Variants in IARS1 observed in about 807,000 individuals in gnomAD.
The protein encoded by IARS1 is isoleucyl-tRNA synthetase 1.
IARS1 carries 124 observed loss-of-function variants against 168.2 expected under a neutral mutation model. That is an observed-to-expected ratio of 0.74 (90% confidence interval 0.64 to 0.86). IARS1 has a LOEUF of 0.86. IARS1 is among the 40% of genes least tolerant of loss of function. IARS1 has a pLI of 0.00. For synonymous variants in IARS1, 532 were observed against 529.4 expected, an observed-to-expected ratio of 1.00 and a Z score of -0.07; for missense variants, 1,452 against 1,515.8, an observed-to-expected ratio of 0.96 and a Z score of 0.70.
In IARS1 at chr9:92,237,358, CTAATTAA is replaced by C. The variant is rs1489296575; in HGVS notation, c.3283+3491_3283+3497del. 5.9e-5 allele frequency among the ~76,000 whole-genome samples: 9 copies of C among 152,208 alleles called. No homozygotes were observed. The East Asian group carries it at 1.7e-3, about 29-fold the overall frequency. ...TGTGGAGATTTTCATTATTATATTA[CTAATTAA>C]TAGTTTGATTCTACTGTGGTCAGAG... On this transcript the variant is annotated intron_variant, in intron 30 of 33. Transcript: ENST00000443024.
chr9:92,210,768 T>C lies in IARS1; in HGVS notation c.*39A>G, dbSNP rs761619738. On this transcript the variant is annotated 3_prime_UTR_variant, in exon 34 of 34. Coordinates refer to ENST00000443024, the MANE Select transcript of IARS1 (RefSeq NM_002161.6). Reference sequence around the variant, plus strand: ...ATGTATGTGTAGGGGATAGGTGTAATTAGGGAAGGGCTGACCGAACAACAT... The same window carrying C: ...ATGTATGTGTAGGGGATAGGTGTAACTAGGGAAGGGCTGACCGAACAACAT... The C allele has an allele frequency of 3.3e-6, 4 of 1,229,376 alleles. No homozygotes were observed. Among genetic ancestry groups the C allele is most frequent in the Non-Finnish European group, 4.8e-6 (4 of 829,390 alleles). The allele number at this position is 1,229,376 out of a possible 1,614,324, so 76.2% of individuals were successfully genotyped here.
chr9:92,218,011 T>A (rs1839027784), intron 33 of IARS1, among the ~76,000 whole-genome samples: 2 of 152,162 alleles, frequency 1.3e-5, no homozygotes, highest in East Asian at 3.9e-4. Context: ...TGAACATTGA[T>A]GCAAAAATCC....
At chr9:92,269,803 AT>A in intron 13 of IARS1, 81 bp downstream of exon 13, 2 of 913,756 alleles carry the variant, frequency 2.2e-6, no homozygotes. Context: ...GGTTATTAAA[AT>A]TATAACTTGG....
chr9:92,266,736 C>A (rs183397303), intron 14 of IARS1, among the ~76,000 whole-genome samples: 2 of 152,272 alleles, frequency 1.3e-5, no homozygotes, highest in Admixed American at 6.5e-5. Flanking sequence ...CACCCCACCG[C>A]CCGTTTCTTC....
At chr9:92,212,039 C>A (rs1172267903) in intron 33 of IARS1, among the ~76,000 whole-genome samples, 1 of 152,130 alleles carries the variant, frequency 6.6e-6, no homozygotes, top group African/African-American at 2.4e-5. Context: ...CTAGTCAGAT[C>A]TGAATTTAAA....
At chr9:92,260,599 G>A (rs1831387028) in intron 17 of IARS1, among the ~76,000 whole-genome samples, 1 of 152,146 alleles carries the variant, frequency 6.6e-6, no homozygotes, top group African/African-American at 2.4e-5. Context: ...AGATTGAAGT[G>A]AGCCAAGATC....
chr9:92,285,637 A>G (rs1207231875), intron 6 of IARS1, 85 bp downstream of exon 6: 5 of 786,796 alleles, frequency 6.4e-6, no homozygotes, highest in Non-Finnish European at 1.1e-5. Context: ...CACTGGGTCT[A>G]CTTGGGAATA....
At position 92,250,187 on chromosome 9, in the gene IARS1, C is replaced by A. The variant is rs1341061816; in HGVS notation, c.2532G>T (p.Lys844Asn). ...GTAAAATAGAAGTAAAATTTCAAACCTTTATGGGAATAGTTTTTCGGTCTC... is the reference window on the plus strand; with the variant it reads ...GTAAAATAGAAGTAAAATTTCAAACATTTATGGGAATAGTTTTTCGGTCTC... The part of the protein sequence containing the change: ...VIRDRKTIPI[K>N]YPLKEIVVIH... The change falls in exon 24 of 34, where the codon AAG becomes AAT. Residue 844 changes from lysine (K) to asparagine (N), a missense_variant and splice_region_variant. Coordinates refer to ENST00000443024, the MANE Select transcript of IARS1 (RefSeq NM_002161.6). 26 of 1,591,874 alleles carry A rather than the reference C, an allele frequency of 1.6e-5. No homozygotes were observed. The highest frequency in any genetic ancestry group is 2.1e-5 in the Non-Finnish European group (24 of 1,160,064).
intron 30 of IARS1, among the ~76,000 whole-genome samples, chr9:92,237,519 T>C (rs1310418164): frequency 6.7e-6 from 1 of 149,356 alleles, no homozygotes; most frequent in Non-Finnish European, 1.5e-5. Flanking sequence ...GCTGAGGTGT[T>C]CTAACTGGTC....
Position 92,262,977 on chromosome 9 carries a change from G to A in IARS1, c.1779C>T (p.Val593=), listed in dbSNP as rs745842667. The A allele has an allele frequency of 3.1e-6, 5 of 1,613,066 alleles. No individual in the cohort carries two copies. The highest frequency in any genetic ancestry group is 2.2e-5 in the East Asian group (1 of 44,882). ...CAACAAAGTTGACCTACCTTGCCAGGACAAGCCCATTCACAATTACGTTCT... is the reference window on the plus strand; with the variant it reads ...CAACAAAGTTGACCTACCTTGCCAGAACAAGCCCATTCACAATTACGTTCT... ...PFKNVIVNGL[V]LASDGQKMSK... is the part of the protein sequence containing the mutation. The change falls in exon 17 of 34, where the codon GTC becomes GTT. Residue 593 remains valine, a synonymous_variant. Transcript: ENST00000443024.
intron 30 of IARS1, among the ~76,000 whole-genome samples, chr9:92,231,728 A>G (rs570871963): frequency 4.6e-5 from 7 of 152,038 alleles, no homozygotes; most frequent in African/African-American, 1.7e-4. Context: ...GCACCCAGCC[A>G]TGAGATGTTT....
At chr9:92,273,400 G>A (rs952034287) in intron 10 of IARS1, among the ~76,000 whole-genome samples, 3 of 152,224 alleles carry the variant, frequency 2.0e-5, no homozygotes, top group South Asian at 2.1e-4. Flanking sequence ...CAGAGATGCA[G>A]CTAGAATTAC....
At chr9:92,223,626 T>G in intron 31 of IARS1, 137 bp from the exon 32 acceptor site, 1 of 701,184 alleles carries the variant, frequency 1.4e-6, no homozygotes, top group Non-Finnish European at 2.3e-6. Context: ...CAAGAGACAT[T>G]GCCTTTTCTA....
At chr9:92,279,249 T>C (rs1348620230) in intron 7 of IARS1, among the ~76,000 whole-genome samples, 1 of 152,212 alleles carries the variant, frequency 6.6e-6, no homozygotes, top group Non-Finnish European at 1.5e-5. Context: ...AGGAACTTCA[T>C]TGTAAGTGGG....
At chr9:92,253,819 C>A (rs1211666202) in intron 20 of IARS1, 1 of 492,424 alleles carries the variant, frequency 2.0e-6, no homozygotes, top group South Asian at 1.5e-5. Context: ...TCAACAATGC[C>A]CAACTTCTTT....
intron 19 of IARS1, among the ~76,000 whole-genome samples, chr9:92,257,018 G>C (rs1048879191): frequency 1.3e-5 from 2 of 152,192 alleles, no homozygotes; most frequent in African/African-American, 4.8e-5. Context: ...AAACTGAAGA[G>C]AGTTTAGGAA....
rs374430108 is a variant in IARS1 at position 92,249,300 on chromosome 9, C to T, written c.2616+558G>A. 3.3e-5 allele frequency among the ~76,000 whole-genome samples: 5 copies of T among 152,294 alleles called. No homozygotes were observed. The East Asian group carries it at 9.6e-4, about 29-fold the overall frequency. ...GGCACAGTGGCTCATGCCTGTAATC[C>T]CAGCACTTTGGGAGGCCAAGGCGGG... On this transcript the variant is annotated intron_variant, in intron 25 of 33. Coordinates refer to ENST00000443024, the MANE Select transcript of IARS1 (RefSeq NM_002161.6).
At chr9:92,256,877 C>T in intron 19 of IARS1, 77 bp from the exon 20 acceptor site, 1 of 1,379,016 alleles carries the variant, frequency 7.3e-7, no homozygotes. Flanking sequence ...TCTTAAATCA[C>T]TTAAACAAAA....
In IARS1 at chr9:92,270,014, T is replaced by C. The variant is rs775274072; in HGVS notation, c.1206-31A>G. On this transcript the variant is annotated intron_variant, in intron 12 of 33. Coordinates refer to ENST00000443024, the MANE Select transcript of IARS1 (RefSeq NM_002161.6). ...GAAGCAGAAACACACACATAGCTGC[T>C]CAGGCTGAGACTAGTAGGCACTACG... is the stretch of plus-strand genomic sequence containing the variant. 8 of 1,421,230 alleles carry C rather than the reference T, an allele frequency of 5.6e-6. No homozygotes were observed. In the African/African-American group the frequency reaches 8.4e-5, roughly 15 times the overall value. The allele number at this position is 1,421,230 out of a possible 1,614,324, so 88.0% of individuals were successfully genotyped here.
Sources: allele counts gnomAD v4.1 joint callset (sites outside exome capture counted in the v4.1 genomes callset), GRCh38; gene constraint gnomAD v4.1.1; transcripts MANE v1.5; gene names NCBI Gene and HGNC (gene_info 2026-07-23, HGNC 2026-07-21).